Variants in CHRM3 observed in about 807,000 individuals in gnomAD.
The protein encoded by CHRM3 is muscarinic acetylcholine receptor M3.
In CHRM3, 11 loss-of-function variants were observed where a neutral mutation model predicts 41.8. That is an observed-to-expected ratio of 0.26 (90% CI 0.17 to 0.44). The LOEUF (loss-of-function observed/expected upper bound fraction) is 0.44, where lower values mean the gene tolerates loss of function less well. Ranked by LOEUF, CHRM3 falls within the 20% of genes least tolerant of loss-of-function variation. CHRM3 has a pLI of 1.00. For missense variants in CHRM3, 571 were observed against 745.4 expected, an observed-to-expected ratio of 0.77 and a Z score of 2.72; for synonymous variants, 297 against 301.4, an observed-to-expected ratio of 0.99 and a Z score of 0.15.
chr1:239,897,818 A>T (rs1174000072), intron 6 of CHRM3, among the ~76,000 whole-genome samples: 1 of 152,218 alleles, frequency 6.6e-6, no homozygotes, highest in Non-Finnish European at 1.5e-5. Flanking sequence ...CATCAGTCGA[A>T]TCTAGGTTTT....
chr1:239,440,887 A>C (rs765964542), intron 1 of CHRM3, among the ~76,000 whole-genome samples: 1 of 152,150 alleles, frequency 6.6e-6, no homozygotes, highest in Non-Finnish European at 1.5e-5. Flanking sequence ...TCCATAGTTA[A>C]ACTCCATAAA....
At chr1:239,466,896 CAT>C (rs1460263892) in intron 1 of CHRM3, among the ~76,000 whole-genome samples, 1 of 152,138 alleles carries the variant, frequency 6.6e-6, no homozygotes, top group Non-Finnish European at 1.5e-5. Context: ...GTCAATCTTC[CAT>C]AGTCATCTAC....
At chr1:239,884,543 C>T (rs1372860287) in intron 6 of CHRM3, among the ~76,000 whole-genome samples, 1 of 152,200 alleles carries the variant, frequency 6.6e-6, no homozygotes, top group Non-Finnish European at 1.5e-5. Context: ...GAAATGAATA[C>T]ACTGATGCTT....
intron 6 of CHRM3, among the ~76,000 whole-genome samples, chr1:239,871,486 C>T (rs1291843322): frequency 2.0e-5 from 3 of 152,034 alleles, no homozygotes; most frequent in African/African-American, 4.8e-5. Flanking sequence ...GTCATCTGCC[C>T]GCCTCAGCCT....
At chr1:239,511,020 C>T (rs1320427691) in intron 2 of CHRM3, among the ~76,000 whole-genome samples, 1 of 152,082 alleles carries the variant, frequency 6.6e-6, no homozygotes, top group Non-Finnish European at 1.5e-5. Context: ...AGAAACACCT[C>T]TATAAGGGAA....
At chr1:239,877,448 T>G (rs1677201246) in intron 6 of CHRM3, among the ~76,000 whole-genome samples, 2 of 151,920 alleles carry the variant, frequency 1.3e-5, no homozygotes, top group East Asian at 3.9e-4. Context: ...AAGGAGAGAA[T>G]AAAATGAATG....
At chr1:239,412,653 C>CT (rs972778721) in intron 1 of CHRM3, among the ~76,000 whole-genome samples, 8 of 151,716 alleles carry the variant, frequency 5.3e-5, no homozygotes, top group African/African-American at 1.9e-4. Context: ...GTATATCCTG[C>CT]TTTTTTTGCT....
intron 5 of CHRM3, among the ~76,000 whole-genome samples, chr1:239,813,461 C>G (rs1012875456): frequency 2.6e-5 from 4 of 152,154 alleles, no homozygotes. Flanking sequence ...ATTTCTAACA[C>G]TTCTGTGACC....
chr1:239,394,414 G>C (rs1659306077), intron 1 of CHRM3, among the ~76,000 whole-genome samples: 1 of 152,106 alleles, frequency 6.6e-6, no homozygotes, highest in South Asian at 2.1e-4. Flanking sequence ...AAGGATATGT[G>C]TGATTGCAGT....
intron 1 of CHRM3, among the ~76,000 whole-genome samples, chr1:239,389,110 G>C (rs1658798108): frequency 6.6e-6 from 1 of 152,120 alleles, no homozygotes; most frequent in Non-Finnish European, 1.5e-5. Context: ...GAACATGACA[G>C]TTGAAAAAGA....
intron 5 of CHRM3, among the ~76,000 whole-genome samples, chr1:239,781,418 G>A (rs911877962): frequency 6.6e-6 from 1 of 152,166 alleles, no homozygotes; most frequent in Non-Finnish European, 1.5e-5. Context: ...GTACAGGAAA[G>A]CAATGGACTG....
chr1:239,787,252 G>C (rs1028459896), intron 5 of CHRM3, among the ~76,000 whole-genome samples: 25 of 152,206 alleles, frequency 1.6e-4, no homozygotes, highest in Admixed American at 1.3e-4. Flanking sequence ...GGTGGCTGAA[G>C]AGCCATGTCT....
At chr1:239,441,012 G>A (rs1663676135) in intron 1 of CHRM3, among the ~76,000 whole-genome samples, 2 of 152,136 alleles carry the variant, frequency 1.3e-5, no homozygotes, top group South Asian at 4.1e-4. Flanking sequence ...TGCTCTTAGT[G>A]TTGACAGTTA....
intron 4 of CHRM3, among the ~76,000 whole-genome samples, chr1:239,641,891 C>T (rs1201774684): frequency 2.3e-5 from 3 of 128,148 alleles, no homozygotes; most frequent in East Asian, 2.0e-4. Context: ...CGTGATTTTG[C>T]AGTGGCTGGT....
chr1:239,882,438 T>TATGTATTTTA (rs1677721704), intron 6 of CHRM3, among the ~76,000 whole-genome samples: 1 of 152,238 alleles, frequency 6.6e-6, no homozygotes, highest in Admixed American at 6.5e-5. Flanking sequence ...GTTCAAAATA[T>TATGTATTTTA]ATGTATTTTA....
At chr1:239,669,930 T>C (rs1674190899) in intron 4 of CHRM3, among the ~76,000 whole-genome samples, 1 of 152,180 alleles carries the variant, frequency 6.6e-6, no homozygotes. Flanking sequence ...AAATGCTGGA[T>C]TATTTTAGAA....
chr1:239,813,882 A>T (rs1022851623), intron 5 of CHRM3, among the ~76,000 whole-genome samples: 1 of 130,738 alleles, frequency 7.6e-6, no homozygotes, highest in Non-Finnish European at 1.5e-5. Context: ...CCGCCACTGC[A>T]CTCCAGCCTG....
At chr1:239,629,276 C>G (rs562298615) in intron 3 of CHRM3, 10 of 120,880 alleles carry the variant, frequency 8.3e-5, no homozygotes, top group African/African-American at 3.5e-4. Flanking sequence ...CAGGTGCTTC[C>G]GTCACCCCTT....
rs192449197 is a variant in CHRM3, at chr1:239,486,866, G to A, written c.-520-5843G>A. On this transcript the variant is annotated intron_variant, in intron 1 of 6. Coordinates refer to ENST00000676153, the MANE Select transcript of CHRM3 (RefSeq NM_001375978.1). Reference sequence around the variant, plus strand: ...ATGGGAAGGTTACCTTCTTAAAGGTGACAATTTCCTGGATGGGGCCAAATG... The same window carrying A: ...ATGGGAAGGTTACCTTCTTAAAGGTAACAATTTCCTGGATGGGGCCAAATG... Among the ~76,000 whole-genome samples, 102 of 152,268 alleles carry A rather than the reference G, an allele frequency of 6.7e-4. 1 individual carries two copies. The highest frequency in any genetic ancestry group is 2.4e-3 in the African/African-American group (100 of 41,560).
Sources: gnomAD v4.1 joint callset for allele counts (sites outside exome capture counted in the v4.1 genomes callset) on GRCh38, gnomAD v4.1.1 for gene constraint, MANE v1.5 for transcripts, NCBI Gene and HGNC (gene_info 2026-07-23, HGNC 2026-07-21) for gene names.